Variants in SDK1 observed in about 807,000 individuals in gnomAD.
SDK1 encodes the protein sidekick cell adhesion molecule 1.
Under a neutral mutation model 245.5 loss-of-function variants are expected in SDK1, and 157 were observed. That is an observed-to-expected ratio of 0.64 (90% CI 0.56 to 0.73). The LOEUF (loss-of-function observed/expected upper bound fraction) is 0.73, where lower values mean the gene tolerates loss of function less well. Ranked by LOEUF, SDK1 falls within the 30% of genes least tolerant of loss-of-function variation. The probability of loss-of-function intolerance (pLI) is 0.00; values close to 1 mark genes in which losing one functional copy is unlikely to be tolerated. For synonymous variants in SDK1, 1,647 were observed against 1,278.5 expected (o/e 1.29, Z -6.15); for missense variants, 3,583 against 3,002.3 (o/e 1.19, Z -4.52).
At chr7:4,084,696 G>GTTATGTTATGTTATT (rs1781314761) in intron 22 of SDK1, among the ~76,000 whole-genome samples, 3 of 135,798 alleles carry the variant, frequency 2.2e-5, no homozygotes, top group African/African-American at 9.2e-5. Context: ...GTTATGTTAT[G>GTTATGTTATGTTATT]TTATGTTATG....
At chr7:3,608,411 C>G (rs1781489100) in intron 1 of SDK1, among the ~76,000 whole-genome samples, 1 of 152,084 alleles carries the variant, frequency 6.6e-6, no homozygotes. Context: ...GTAATTTAGA[C>G]TTGGGTATTT....
Position 3,516,777 on chromosome 7 carries a change from C to T in SDK1, c.299-102303C>T, listed in dbSNP as rs886517517. Among the ~76,000 whole-genome samples the T allele has an allele frequency of 5.9e-5, 9 of 152,246 alleles. No individual in the cohort carries two copies. In the East Asian group the frequency reaches 1.5e-3, roughly 26 times the overall value. On this transcript the variant is annotated intron_variant, in intron 1 of 44. Coordinates refer to ENST00000404826, the MANE Select transcript of SDK1 (RefSeq NM_152744.4). ...AGTTTGAAAGATACTGAGTATTAGA[C>T]ATTTTTACTTTAAAAGAAATGGAGA... is the stretch of plus-strand genomic sequence containing the variant.
At chr7:3,547,155 A>G (rs1040274846) in intron 1 of SDK1, among the ~76,000 whole-genome samples, 8 of 152,218 alleles carry the variant, frequency 5.3e-5, no homozygotes, top group African/African-American at 1.4e-4. Context: ...TAAAATTACA[A>G]TTAATAGTAG....
intron 1 of SDK1, among the ~76,000 whole-genome samples, chr7:3,439,054 C>T (rs990290880): frequency 5.9e-5 from 9 of 151,710 alleles, no homozygotes; most frequent in South Asian, 2.1e-4. Flanking sequence ...GGTTTTACCA[C>T]GTTGGCCAGG....
chr7:3,654,390 G>A (rs573615157), intron 4 of SDK1, among the ~76,000 whole-genome samples: 12 of 152,264 alleles, frequency 7.9e-5, no homozygotes, highest in African/African-American at 2.6e-4. Flanking sequence ...CTGTCACCGC[G>A]CTTTATTCCA....
chr7:3,980,802 C>T (rs1007824837), intron 13 of SDK1, among the ~76,000 whole-genome samples: 1 of 151,990 alleles, frequency 6.6e-6, no homozygotes, highest in South Asian at 2.1e-4. Context: ...ATTAGCCGGG[C>T]GTGGTGTTGG....
At chr7:4,087,776 C>T (rs1157886607) in intron 22 of SDK1, among the ~76,000 whole-genome samples, 1 of 152,118 alleles carries the variant, frequency 6.6e-6, no homozygotes, top group African/African-American at 2.4e-5. Context: ...TTTAGCACCC[C>T]TGTTTCCCAG....
chr7:3,408,282 GAT>G (rs1274212527), intron 1 of SDK1, among the ~76,000 whole-genome samples: 1 of 152,194 alleles, frequency 6.6e-6, no homozygotes, highest in Non-Finnish European at 1.5e-5. Flanking sequence ...GACCTCAAGT[GAT>G]ATGCCTGCTG....
intron 1 of SDK1, among the ~76,000 whole-genome samples, chr7:3,319,645 G>A (rs2128546637): frequency 6.6e-6 from 1 of 152,138 alleles, no homozygotes; most frequent in South Asian, 2.1e-4. Flanking sequence ...TGATGAAGGA[G>A]GGTCTGCTCT....
chr7:3,645,667 T>TAAG (rs961493432), intron 4 of SDK1, among the ~76,000 whole-genome samples: 21 of 152,286 alleles, frequency 1.4e-4, no homozygotes, highest in Middle Eastern at 6.8e-3. Context: ...TTTCCATGTC[T>TAAG]AAGAAAGTAC....
At chr7:3,712,149 G>A (rs1785067915) in intron 4 of SDK1, among the ~76,000 whole-genome samples, 1 of 152,166 alleles carries the variant, frequency 6.6e-6, no homozygotes, top group South Asian at 2.1e-4. Flanking sequence ...AGGAGGCGCA[G>A]GGTGGGCAAG....
chr7:3,738,027 G>A (rs1156967587), intron 4 of SDK1, among the ~76,000 whole-genome samples: 1 of 152,192 alleles, frequency 6.6e-6, no homozygotes, highest in South Asian at 2.1e-4. Context: ...TTGCTAGTTG[G>A]TTGTTTTGTG....
chr7:3,413,797 G>C (rs1330351390), intron 1 of SDK1, among the ~76,000 whole-genome samples: 10 of 152,160 alleles, frequency 6.6e-5, no homozygotes, highest in Admixed American at 6.5e-4. Flanking sequence ...AGACAGCCTT[G>C]GCAATGTAGC....
At chr7:4,162,792 A>G (rs545097951) in intron 32 of SDK1, among the ~76,000 whole-genome samples, 7 of 152,320 alleles carry the variant, frequency 4.6e-5, no homozygotes, top group African/African-American at 1.7e-4. Flanking sequence ...CTGCTCAGCA[A>G]TGCTCCAGTA....
chr7:3,550,037 AATG>A (rs750882830), intron 1 of SDK1, among the ~76,000 whole-genome samples: 19 of 152,326 alleles, frequency 1.2e-4, no homozygotes, highest in South Asian at 8.3e-4. Context: ...TTATCAAAAT[AATG>A]ATATTTGTAA....
intron 35 of SDK1, among the ~76,000 whole-genome samples, chr7:4,189,073 T>C (rs1389337058): frequency 6.6e-6 from 1 of 152,120 alleles, no homozygotes; most frequent in African/African-American, 2.4e-5. Context: ...AAGCAAATGC[T>C]CCTGGGATTT....
intron 1 of SDK1, among the ~76,000 whole-genome samples, chr7:3,503,453 A>G (rs1373376676): frequency 3.9e-5 from 6 of 152,008 alleles, no homozygotes; most frequent in Non-Finnish European, 8.8e-5. Flanking sequence ...GCCAAGCAGG[A>G]GGATTGCTTG....
At chr7:3,642,911 A>C (rs1228881789) in intron 4 of SDK1, 1 of 152,252 alleles carries the variant, frequency 6.6e-6, no homozygotes, top group Non-Finnish European at 1.5e-5. Context: ...CAGTGGTTGC[A>C]CTCAGATAAA....
chr7:4,049,524 G>A (rs917056448), intron 18 of SDK1, 61 bp downstream of exon 18: 29 of 1,233,910 alleles, frequency 2.4e-5, no homozygotes, highest in Admixed American at 1.1e-4. Flanking sequence ...ACAGCGCGAC[G>A]CAGCTGGAGG....
Sources: gnomAD v4.1 joint callset for allele counts (sites outside exome capture counted in the v4.1 genomes callset) on GRCh38, gnomAD v4.1.1 for gene constraint, MANE v1.5 for transcripts, NCBI Gene and HGNC (gene_info 2026-07-23, HGNC 2026-07-21) for gene names.